The following GARNL3 variants were observed in gnomAD, a reference collection of about 807,000 sequenced individuals.
The protein encoded by GARNL3 is GTPase-activating Rap/Ran-GAP domain-like protein 3.
In GARNL3, 63 loss-of-function variants were observed where a neutral mutation model predicts 125.0. That is an observed-to-expected ratio of 0.50 (90% CI 0.41 to 0.62). The LOEUF (loss-of-function observed/expected upper bound fraction) is 0.62, where lower values mean the gene tolerates loss of function less well. Ranked by LOEUF, GARNL3 falls within the 20% of genes least tolerant of loss-of-function variation. The pLI is 0.00. For missense variants in GARNL3, 994 were observed against 1,244.0 expected (o/e 0.80, Z 3.02); for synonymous variants, 439 against 457.5 (o/e 0.96, Z 0.52).
At position 127,390,014 on chromosome 9, in the gene GARNL3, C is replaced by T. The variant is rs1316667384; in HGVS notation, c.2744-627C>T. On this transcript the variant is annotated intron_variant, in intron 26 of 27. Transcript: ENST00000373387. ...TGTGAAAAGGTTAGACTGTTAGAAA[C>T]CTTTTTGTTCAGATTTGTGGAAACA... Among the ~76,000 whole-genome samples the T allele has an allele frequency of 2.0e-5, 3 of 150,134 alleles. No individual in the cohort carries two copies. In the East Asian group the frequency reaches 5.9e-4, roughly 29 times the overall value.
At chr9:127,302,761 C>T (rs2064838637) in intron 2 of GARNL3, among the ~76,000 whole-genome samples, 1 of 152,164 alleles carries the variant, frequency 6.6e-6, no homozygotes, top group Non-Finnish European at 1.5e-5. Flanking sequence ...ACATATTTTA[C>T]AAGCTTATAT....
intron 11 of GARNL3, among the ~76,000 whole-genome samples, chr9:127,336,999 G>A (rs1233548055): frequency 6.6e-6 from 1 of 152,222 alleles, no homozygotes; most frequent in Admixed American, 6.5e-5. Flanking sequence ...AAACATGTTT[G>A]GAGACAGGCC....
chr9:127,377,644 G>A (rs1011247775), intron 22 of GARNL3, among the ~76,000 whole-genome samples: 4 of 151,314 alleles, frequency 2.6e-5, no homozygotes, highest in East Asian at 2.0e-4. Context: ...AAAATTAGCC[G>A]GGCGTGGTGG....
intron 22 of GARNL3, among the ~76,000 whole-genome samples, chr9:127,371,258 C>T (rs1023813852): frequency 4.6e-5 from 7 of 152,196 alleles, no homozygotes; most frequent in Admixed American, 1.3e-4. Flanking sequence ...AGCAACCCAC[C>T]TCTCCCCTCT....
At chr9:127,267,520 A>T (rs910559657) in intron 1 of GARNL3, among the ~76,000 whole-genome samples, 4 of 152,158 alleles carry the variant, frequency 2.6e-5, no homozygotes, top group African/African-American at 9.7e-5. Context: ...ATAAATGATT[A>T]TCTGTGTAAA....
chr9:127,333,637 G>A (rs555893618), intron 9 of GARNL3, among the ~76,000 whole-genome samples: 1 of 152,226 alleles, frequency 6.6e-6, no homozygotes, highest in South Asian at 2.1e-4. Context: ...CGGAATAATT[G>A]GAGGGTCTCG....
rs1832941535 is a variant in GARNL3, at chr9:127,392,876, C to T, written c.2871-207C>T. ...TAAATAATGCCTCACAAACACCTTC[C>T]ATGTGTCACACACTCGGCCTTTAAT... On this transcript the variant is annotated intron_variant, in intron 27 of 27. Coordinates refer to ENST00000373387, the MANE Select transcript of GARNL3 (RefSeq NM_032293.5). The surrounding 1 kb of genome is among the most constrained non-coding windows in gnomAD (Gnocchi z 5.2). 6.6e-6 allele frequency among the ~76,000 whole-genome samples: 1 copy of T among 152,184 alleles called. No homozygotes were observed.
chr9:127,335,263 T>C lies in GARNL3; in HGVS notation c.803T>C (p.Val268Ala). 6.2e-7 allele frequency: 1 copy of C among 1,613,962 alleles called. No homozygotes were observed. The highest frequency in any genetic ancestry group is 2.2e-5 in the East Asian group (1 of 44,892). The change falls in exon 10 of 28, where the codon GTG (valine) becomes GCG (alanine). Residue 268 changes from valine (V) to alanine (A), a missense_variant. Coordinates refer to ENST00000373387, the MANE Select transcript of GARNL3 (RefSeq NM_032293.5). ...ACAGGGATACATTCAGTTTATACTG[T>C]GTACCAAGGGCATGAGATCATGTTT... ...DTTGIHSVYTVYQGHEIMFHV... is the reference protein window; with the variant it reads ...DTTGIHSVYTAYQGHEIMFHV...
chr9:127,236,732 A>T (rs764478053), intron 1 of GARNL3, among the ~76,000 whole-genome samples: 1 of 152,138 alleles, frequency 6.6e-6, no homozygotes, highest in Non-Finnish European at 1.5e-5. Flanking sequence ...CTAGTGTGCT[A>T]TTCTTTTGGT....
intron 2 of GARNL3, among the ~76,000 whole-genome samples, chr9:127,297,719 G>A (rs1459689438): frequency 6.6e-6 from 1 of 152,210 alleles, no homozygotes; most frequent in Non-Finnish European, 1.5e-5. Context: ...TTCAGTTAAT[G>A]CAGAATCCCA....
Position 127,291,303 on chromosome 9 carries a change from A to G in GARNL3, c.219+61A>G, listed in dbSNP as rs573658731. 9.2e-6 allele frequency: 13 copies of G among 1,419,480 alleles called. No individual in the cohort carries two copies. In the East Asian group the frequency reaches 3.0e-4, roughly 32 times the overall value. 87.9% of individuals were successfully genotyped at this position (1,419,480 alleles called of 1,614,324 possible). A position where few individuals can be genotyped will look rare whatever the true frequency, so the allele number is the denominator to read the frequency against. On this transcript the variant is annotated intron_variant, in intron 2 of 27. Coordinates refer to ENST00000373387, the MANE Select transcript of GARNL3 (RefSeq NM_032293.5). ...AGCACATGATTATAGTGCCTGGGATATAGCAGTGAAAGAGTTCTGGAAGAG... is the reference window on the plus strand; with the variant it reads ...AGCACATGATTATAGTGCCTGGGATGTAGCAGTGAAAGAGTTCTGGAAGAG...
chr9:127,314,677 C>T (rs977046463), intron 4 of GARNL3, among the ~76,000 whole-genome samples: 2 of 152,196 alleles, frequency 1.3e-5, no homozygotes, highest in African/African-American at 4.8e-5. Flanking sequence ...ATCACATCCT[C>T]ACTGAGATGG....
rs746547150 is a variant in GARNL3, at chr9:127,264,895, CAGA to C, written c.21_23del (p.Arg8del). ...TTTTGCAAATGGTAGTTGATTTTTG[CAGA>C]AGGTTTGTGGCCAGATCGCTATGTA... On this transcript the variant is annotated inframe_deletion, in exon 1 of 28. Coordinates refer to ENST00000373387, the MANE Select transcript of GARNL3 (RefSeq NM_032293.5). 2 of 1,582,178 alleles carry C rather than the reference CAGA, an allele frequency of 1.3e-6. No homozygotes were observed. Among genetic ancestry groups the C allele is most frequent in the Non-Finnish European group, 1.7e-6 (2 of 1,161,270 alleles).
chr9:127,348,098 A>G (rs1830236417), intron 16 of GARNL3, among the ~76,000 whole-genome samples: 1 of 152,200 alleles, frequency 6.6e-6, no homozygotes, highest in Non-Finnish European at 1.5e-5. Context: ...TCAGGCCCTG[A>G]TGCCTGATTG....
At chr9:127,277,570 T>A (rs1292862657) in intron 1 of GARNL3, among the ~76,000 whole-genome samples, 1 of 151,776 alleles carries the variant, frequency 6.6e-6, no homozygotes, top group African/African-American at 2.4e-5. Flanking sequence ...CTTCAGCATC[T>A]CTTTTTTGCT....
chr9:127,315,643 C>T (rs1344477065), intron 4 of GARNL3, among the ~76,000 whole-genome samples: 2 of 149,624 alleles, frequency 1.3e-5, no homozygotes, highest in Non-Finnish European at 3.0e-5. Context: ...CCTGTCTCTA[C>T]AAAATCAAAG....
intron 2 of GARNL3, among the ~76,000 whole-genome samples, chr9:127,253,270 A>G (rs1015805186): frequency 1.3e-5 from 2 of 152,140 alleles, no homozygotes; most frequent in African/African-American, 4.8e-5. Context: ...CCTCCTTTAC[A>G]GAAGGAAAAA....
chr9:127,231,042 A>G (rs10119639), intron 1 of GARNL3, among the ~76,000 whole-genome samples: 3 of 46,568 alleles, frequency 6.4e-5, no homozygotes, highest in Non-Finnish European at 3.7e-5. Context: ...ATACATATAT[A>G]TATATATATT....
chr9:127,234,162 A>G (rs1239634966), intron 1 of GARNL3, among the ~76,000 whole-genome samples: 1 of 152,180 alleles, frequency 6.6e-6, no homozygotes, highest in African/African-American at 2.4e-5. Flanking sequence ...GAAGAAAATT[A>G]ATTTTCATAT....
Sources: allele counts gnomAD v4.1 joint callset (sites outside exome capture counted in the v4.1 genomes callset), GRCh38; gene constraint gnomAD v4.1.1; non-coding constraint Gnocchi (gnomAD v3.1); transcripts MANE v1.5; gene names NCBI Gene and HGNC (gene_info 2026-07-23, HGNC 2026-07-21).